SRSF4: variants seen among roughly 807,000 people sequenced by gnomAD.
SRSF4 encodes serine/arginine-rich splicing factor 4.
In SRSF4, 12 loss-of-function variants were observed where a neutral mutation model predicts 48.8. That is an observed-to-expected ratio of 0.25 (90% confidence interval 0.16 to 0.40). SRSF4 has a LOEUF of 0.40. Ranked by LOEUF, SRSF4 falls within the 10% of genes least tolerant of loss-of-function variation. The pLI is 1.00. For missense variants in SRSF4, 466 were observed against 667.1 expected (o/e 0.70, Z 3.32); for synonymous variants, 248 against 232.5 (o/e 1.07, Z -0.61).
In SRSF4 at chr1:29,154,678, A is replaced by T. The variant is rs1558387708; in HGVS notation, c.578+18T>A. 6.2e-7 allele frequency: 1 copy of T among 1,612,220 alleles called. No individual in the cohort carries two copies. Among genetic ancestry groups the T allele is most frequent in the Non-Finnish European group, 8.5e-7 (1 of 1,178,958 alleles). ...GAATTTATGATGAGCTCCAACACAC[A>T]AAAGACATCAACAGTACCTTGAATG... On this transcript the variant is annotated intron_variant, in intron 4 of 5. Transcript: ENST00000373795.
intron 1 of SRSF4, among the ~76,000 whole-genome samples, chr1:29,174,416 A>G (rs951654840): frequency 3.3e-5 from 5 of 152,210 alleles, no homozygotes; most frequent in African/African-American, 1.2e-4. Flanking sequence ...CATGCATAAA[A>G]TAGTACAAAA....
intron 1 of SRSF4, chr1:29,171,781 C>T (rs572310675): frequency 6.6e-6 from 1 of 152,230 alleles, no homozygotes; most frequent in African/African-American, 2.4e-5. Flanking sequence ...AGTCTATATC[C>T]TGTGCCTATC....
chr1:29,149,811 T>G (rs1479118063), intron 5 of SRSF4, among the ~76,000 whole-genome samples: 2 of 151,848 alleles, frequency 1.3e-5, no homozygotes, highest in Non-Finnish European at 2.9e-5. Context: ...GGAGGACTAT[T>G]TGAGGTCATG....
rs576290614 is a variant in SRSF4 at position 29,148,894 on chromosome 1, C to G, written c.1001G>C (p.Ser334Thr). Residue 334 changes from serine to threonine, a missense_variant, in exon 6 of 6, where the codon AGC becomes ACC. Ser to Thr is a moderately conservative substitution (Grantham distance 58). Around this residue, in one of 2 missense-constraint regions of SRSF4, gnomAD observed 402 missense variants for 437.0 expected, o/e 0.92. Coordinates refer to ENST00000373795, the MANE Select transcript of SRSF4 (RefSeq NM_005626.5). ...EKSLRQSRSR[S>T]RSKGGSRSRS... Reference sequence around the variant, plus strand: ...GCTCCTGCTGCCCCCTTTGCTCCTGCTCCGGCTCCGACTCTGGCGGAGGCT... The same window carrying G: ...GCTCCTGCTGCCCCCTTTGCTCCTGGTCCGGCTCCGACTCTGGCGGAGGCT... The G allele has an allele frequency of 5.6e-6, 9 of 1,610,412 alleles. No homozygotes were observed. Among genetic ancestry groups the G allele is most frequent in the Middle Eastern group, 1.7e-4 (1 of 6,050 alleles).
chr1:29,176,302 T>G (rs1672852472), intron 1 of SRSF4, among the ~76,000 whole-genome samples: 1 of 152,014 alleles, frequency 6.6e-6, no homozygotes, highest in African/African-American at 2.4e-5. Flanking sequence ...GTGGTAGGGT[T>G]CCTAAAGGCA....
chr1:29,150,039 A>C, intron 5 of SRSF4, 64 bp downstream of exon 5: 1 of 1,402,912 alleles, frequency 7.1e-7, no homozygotes, highest in Non-Finnish European at 9.9e-7. Context: ...AAAAAGAAAA[A>C]AAAGTGAGAC....
chr1:29,154,623 T>C (rs1046782669), intron 4 of SRSF4, 73 bp downstream of exon 4: 2 of 1,433,500 alleles, frequency 1.4e-6, no homozygotes, highest in Non-Finnish European at 9.6e-7. Context: ...AACAGGAAAA[T>C]GTAAATAAAT....
In SRSF4 at chr1:29,177,981, C is replaced by T. The variant is rs189491034; in HGVS notation, c.107+3665G>A. Among the ~76,000 whole-genome samples, 3 of 143,310 alleles carry T rather than the reference C, an allele frequency of 2.1e-5. No individual in the cohort carries two copies. In the East Asian group the frequency reaches 6.1e-4, roughly 29 times the overall value. The allele number at this position is 143,310 out of a possible 152,430, so 94.0% of individuals were successfully genotyped here. On this transcript the variant is annotated intron_variant, in intron 1 of 5. Coordinates refer to ENST00000373795, the MANE Select transcript of SRSF4 (RefSeq NM_005626.5). ...GTGATGCAATCTCTGCTCACTGCAA[C>T]CTCCACCTCCCAGGTTCAAGCAATT... is the stretch of plus-strand genomic sequence containing the variant.
intron 4 of SRSF4, among the ~76,000 whole-genome samples, chr1:29,151,459 T>C (rs1310160789): frequency 6.6e-6 from 1 of 152,152 alleles, no homozygotes; most frequent in Non-Finnish European, 1.5e-5. Flanking sequence ...ATGGTGCCAC[T>C]GCACTCCAGC....
At chr1:29,155,089 T>C (rs1210973029) in intron 3 of SRSF4, among the ~76,000 whole-genome samples, 179 bp from the exon 4 acceptor site, 2 of 152,168 alleles carry the variant, frequency 1.3e-5, no homozygotes. Context: ...ACCAGCCATA[T>C]TAGGTGGGTG....
intron 1 of SRSF4, chr1:29,173,098 A>G (rs1211906514): frequency 1.3e-5 from 2 of 150,696 alleles, no homozygotes; most frequent in African/African-American, 4.9e-5. Context: ...TCTACAATTA[A>G]CCTACATTTA....
rs755329393 is a variant in SRSF4, at chr1:29,174,617, G to GA, written c.107+7028dup. ...AACTTATAGTATGATTCCAAGTTTG[G>GA]AAAAAAAAAAGGAGTCAGGAGAGGC... On this transcript the variant is annotated intron_variant, in intron 1 of 5. Coordinates refer to ENST00000373795, the MANE Select transcript of SRSF4 (RefSeq NM_005626.5). 0.01 allele frequency among the ~76,000 whole-genome samples: 1,423 copies of GA among 139,246 alleles called. 48 individuals are homozygous for GA. In the East Asian group the frequency reaches 0.12, roughly 12 times the overall value. 91.4% of individuals were successfully genotyped at this position (139,246 alleles called of 152,430 possible).
intron 3 of SRSF4, among the ~76,000 whole-genome samples, chr1:29,155,830 T>C (rs1043404841): frequency 6.6e-6 from 1 of 152,192 alleles, no homozygotes; most frequent in Non-Finnish European, 1.5e-5. Flanking sequence ...TATTTGTTTA[T>C]AACCATCATG....
rs1461290412 is a variant in SRSF4 at position 29,148,774 on chromosome 1, C to G, written c.1121G>C (p.Ser374Thr). ...GCTGCCTCGCTTTCTGCTCCTCTCA[C>G]TCTTGCTGCGGCTGCGACTGCGACT... ...SRSRSRSRSKSERSRKRGSKR... is the reference protein window; with the variant it reads ...SRSRSRSRSKTERSRKRGSKR... The change falls in exon 6 of 6, where the codon AGT (serine) becomes ACT (threonine). Residue 374 changes from serine to threonine, a missense_variant. Physicochemically the swap from Ser to Thr is moderately conservative, Grantham distance 58. Around this residue, in one of 2 missense-constraint regions of SRSF4, gnomAD observed 402 missense variants for 437.0 expected, o/e 0.92. Coordinates refer to ENST00000373795, the MANE Select transcript of SRSF4 (RefSeq NM_005626.5). The G allele has an allele frequency of 2.5e-6, 4 of 1,613,464 alleles. No homozygotes were observed. The highest frequency in any genetic ancestry group is 3.4e-6 in the Non-Finnish European group (4 of 1,179,824).
intron 3 of SRSF4, 142 bp downstream of exon 3, chr1:29,159,232 C>G (rs1672556501): frequency 8.9e-6 from 5 of 561,134 alleles, no homozygotes; most frequent in African/African-American, 3.8e-5. Context: ...ACTCATATGG[C>G]ACTTTAATTA....
chr1:29,164,233 T>C (rs1672638157), intron 1 of SRSF4, among the ~76,000 whole-genome samples: 1 of 152,258 alleles, frequency 6.6e-6, no homozygotes, highest in African/African-American at 2.4e-5. Context: ...TGAAAAGGGA[T>C]ACATTTTTAT....
intron 2 of SRSF4, 56 bp downstream of exon 2, chr1:29,160,319 A>G (rs1672574435): frequency 6.6e-7 from 1 of 1,517,522 alleles, no homozygotes; most frequent in Non-Finnish European, 8.8e-7. Context: ...TACTTTAAAA[A>G]TTAGCATGAT....
In SRSF4 at chr1:29,149,058, G is replaced by C; in HGVS notation, c.837C>G (p.Asn279Lys). The change falls in exon 6 of 6, where the codon AAC (asparagine) becomes AAG (lysine). Residue 279 changes from asparagine to lysine, a missense_variant. By Grantham distance (94) the Asn-to-Lys change is moderately conservative. This residue lies in a region of SRSF4 where 402 missense variants were observed against 437.0 expected (regional missense o/e 0.92). Transcript: ENST00000373795. ...SKDQAEEKIQNNDNVGKPKSR... is the reference protein window; with the variant it reads ...SKDQAEEKIQKNDNVGKPKSR... ...TCTTGGGTTTCCCGACATTGTCATT[G>C]TTTTGGATCTTCTCTTCAGCTTGGT... The C allele has an allele frequency of 6.2e-7, 1 of 1,613,696 alleles. No individual in the cohort carries two copies. Among genetic ancestry groups the C allele is most frequent in the Non-Finnish European group, 8.5e-7 (1 of 1,179,970 alleles).
At chr1:29,168,882 T>A (rs1035878646) in intron 1 of SRSF4, 1 of 152,136 alleles carries the variant, frequency 6.6e-6, no homozygotes, top group Non-Finnish European at 1.5e-5. Flanking sequence ...TAAGCGTGAA[T>A]GGTAGGAGGG....
Sources: gnomAD v4.1 joint callset for allele counts (sites outside exome capture counted in the v4.1 genomes callset) on GRCh38, gnomAD v4.1.1 for gene constraint, gnomAD v4.1.1 regional missense constraint, MANE v1.5 for transcripts, NCBI Gene and HGNC (gene_info 2026-07-23, HGNC 2026-07-21) for gene names.